The following STS variants were observed in gnomAD, a reference collection of about 807,000 sequenced individuals.
STS encodes the protein steryl-sulfatase.
A neutral mutation model predicts 26.8 loss-of-function variants in STS; 7 were observed. The ratio of observed to expected loss-of-function variants is 0.26; its 90% CI spans 0.15 to 0.49. The LOEUF (loss-of-function observed/expected upper bound fraction) is 0.49, where lower values mean the gene tolerates loss of function less well. Among genes scored for constraint, STS ranks in the 20% least tolerant of loss-of-function variants. The pLI is 0.98. For missense variants in STS, 434 were observed against 465.6 expected (o/e 0.93, Z 0.63); for synonymous variants, 199 against 189.4 (o/e 1.05, Z -0.42).
At chrX:7,203,518 C>G (rs1271938179) in intron 2 of STS, among the ~76,000 whole-genome samples, 1 of 111,346 alleles carries the variant, frequency 9.0e-6, no homozygotes, top group Non-Finnish European at 1.9e-5. Flanking sequence ...ATTTGAGGAG[C>G]ATTGTGAATT....
At chrX:7,294,422 T>A (rs1182243655) in intron 7 of STS, among the ~76,000 whole-genome samples, 2 of 110,971 alleles carry the variant, frequency 1.8e-5, no homozygotes, top group South Asian at 3.8e-4. Flanking sequence ...AAAAGACCAT[T>A]TGGCTAGTTA....
At chrX:7,276,168 T>G (rs963863298) in intron 7 of STS, 81 bp downstream of exon 7, 1 of 1,129,150 alleles carries the variant, frequency 8.9e-7, no homozygotes, top group South Asian at 1.9e-5. Context: ...ATTTCTATCT[T>G]TGTTCCTGAT....
intron 7 of STS, among the ~76,000 whole-genome samples, chrX:7,303,799 T>C (rs1926088767): frequency 8.9e-6 from 1 of 111,776 alleles, no homozygotes; most frequent in Non-Finnish European, 1.9e-5. Context: ...CAGCTCCTTC[T>C]TCAAACTTCA....
intron 9 of STS, among the ~76,000 whole-genome samples, chrX:7,332,065 A>G (rs1240380668): frequency 9.0e-6 from 1 of 111,016 alleles, no homozygotes; most frequent in Admixed American, 9.6e-5. Flanking sequence ...CCCCTTTCCT[A>G]TAATCATGAT....
At chrX:7,208,232 TAA>T (rs1920964431) in intron 2 of STS, among the ~76,000 whole-genome samples, 1 of 112,341 alleles carries the variant, frequency 8.9e-6, no homozygotes, top group Non-Finnish European at 1.9e-5. Flanking sequence ...CTTTATTTTT[TAA>T]AAGTGTCTTT....
In STS at chrX:7,352,811, A is replaced by G. The variant is rs1204051855; in HGVS notation, c.*2550A>G. On this transcript the variant is annotated 3_prime_UTR_variant, in exon 11 of 11. Coordinates refer to ENST00000674429, the MANE Select transcript of STS (RefSeq NM_001320752.2). Reference sequence around the variant, plus strand: ...GACGTATACATAGGCATCATTTCACAAGGTCAGTAATGCTGCAGGAAAAGC... The same window carrying G: ...GACGTATACATAGGCATCATTTCACGAGGTCAGTAATGCTGCAGGAAAAGC... 2.7e-5 allele frequency: 3 copies of G among 110,938 alleles called. No homozygotes were observed. The highest frequency in any genetic ancestry group is 5.7e-5 in the Non-Finnish European group (3 of 53,043). The allele number at this position is 110,938 out of a possible 1,213,427, so 9.1% of individuals were successfully genotyped here.
chrX:7,172,689 C>G (rs1202330689), intron 1 of STS, among the ~76,000 whole-genome samples: 1 of 111,531 alleles, frequency 9.0e-6, no homozygotes, highest in Non-Finnish European at 1.9e-5. Context: ...GTGGGGTATG[C>G]TTGAGTAAGT....
rs777140926 is a variant in STS at position 7,351,360 on chromosome X, T to G, written c.*1099T>G. ...ATGCAAGTTTTGTGACTGAGAAATT[T>G]CTGTGCTTCCAATCCACAATGAGAT... is the stretch of plus-strand genomic sequence containing the variant. On this transcript the variant is annotated 3_prime_UTR_variant, in exon 11 of 11. Coordinates refer to ENST00000674429, the MANE Select transcript of STS (RefSeq NM_001320752.2). 8.9e-6 allele frequency: 1 copy of G among 112,214 alleles called. No homozygotes were observed. The highest frequency in any genetic ancestry group is 3.7e-4 in the South Asian group (1 of 2,698). 9.2% of individuals were successfully genotyped at this position (112,214 alleles called of 1,213,427 possible).
At chrX:7,295,295 T>C (rs1327983944) in intron 7 of STS, among the ~76,000 whole-genome samples, 1 of 111,609 alleles carries the variant, frequency 9.0e-6, no homozygotes, top group Non-Finnish European at 1.9e-5. Context: ...ACATTCCTCC[T>C]CCATGAATTT....
chrX:7,152,167 T>G (rs1278886232), intron 1 of STS, among the ~76,000 whole-genome samples: 1 of 109,935 alleles, frequency 9.1e-6, no homozygotes, highest in African/African-American at 3.3e-5. Flanking sequence ...TTAGCCAGGA[T>G]GGTCTCGATT....
At chrX:7,149,248 C>CA (rs755639413) in intron 1 of STS, among the ~76,000 whole-genome samples, 234 of 91,178 alleles carry the variant, frequency 2.6e-3, no homozygotes, top group South Asian at 0.017. Context: ...GGGAAAAAGA[C>CA]AAAAAAAAAA....
intron 1 of STS, among the ~76,000 whole-genome samples, chrX:7,185,808 G>C (rs185667232): frequency 8.9e-6 from 1 of 112,488 alleles, no homozygotes; most frequent in East Asian, 2.8e-4. Context: ...ATTCCTATTT[G>C]CATGATGATG....
chrX:7,204,341 C>G (rs773771324), intron 2 of STS, among the ~76,000 whole-genome samples: 12 of 111,551 alleles, frequency 1.1e-4, no homozygotes, highest in Non-Finnish European at 2.1e-4. Flanking sequence ...CTTTAATTTT[C>G]TTTGATTTCC....
At chrX:7,299,574 T>A (rs1392021286) in intron 7 of STS, among the ~76,000 whole-genome samples, 2 of 109,649 alleles carry the variant, frequency 1.8e-5, no homozygotes, top group Admixed American at 1.0e-4. Context: ...AGTGACTTCA[T>A]AGCACTTTGC....
intron 1 of STS, among the ~76,000 whole-genome samples, chrX:7,169,766 C>G (rs1474392282): frequency 9.0e-6 from 1 of 111,442 alleles, no homozygotes; most frequent in Non-Finnish European, 1.9e-5. Context: ...CAAAGCCTCC[C>G]TTTACTTATC....
chrX:7,280,570 G>A (rs1924809427), intron 7 of STS, among the ~76,000 whole-genome samples: 1 of 111,966 alleles, frequency 8.9e-6, no homozygotes, highest in Non-Finnish European at 1.9e-5. Context: ...TGTCATTCTG[G>A]CTGTTTCTCT....
At chrX:7,185,245 T>C (rs1032850376) in intron 1 of STS, among the ~76,000 whole-genome samples, 4 of 113,089 alleles carry the variant, frequency 3.5e-5, no homozygotes, top group Non-Finnish European at 3.7e-5. Context: ...AGGCCAACAA[T>C]GAACAGATCA....
At chrX:7,282,338 C>A (rs145372439) in intron 7 of STS, among the ~76,000 whole-genome samples, 39 of 111,695 alleles carry the variant, frequency 3.5e-4, no homozygotes, top group African/African-American at 1.2e-3. Context: ...GTAGCTGGGA[C>A]TGCAGATGCT....
intron 1 of STS, among the ~76,000 whole-genome samples, chrX:7,184,264 T>G (rs1426921140): frequency 4.5e-5 from 5 of 112,252 alleles, no homozygotes. Context: ...AATTCAAATC[T>G]GGTTCTATTT....
Sources: gnomAD v4.1 joint callset for allele counts (sites outside exome capture counted in the v4.1 genomes callset) on GRCh38, gnomAD v4.1.1 for gene constraint, MANE v1.5 for transcripts, NCBI Gene and HGNC (gene_info 2026-07-23, HGNC 2026-07-21) for gene names.